The following GTF3C1 variants were observed in gnomAD, a reference collection of about 807,000 sequenced individuals.
GTF3C1 encodes general transcription factor IIIC subunit 1, also known as general transcription factor 3C polypeptide 1.
Under a neutral mutation model 226.7 loss-of-function variants are expected in GTF3C1, and 57 were observed. That is an observed-to-expected ratio of 0.25 (90% confidence interval 0.20 to 0.31). The LOEUF is 0.31. GTF3C1 is among the 10% of genes least tolerant of loss of function. The pLI is 1.00. For missense variants in GTF3C1, 2,217 were observed against 2,776.1 expected, an observed-to-expected ratio of 0.80 and a Z score of 4.53; for synonymous variants, 1,090 against 1,084.8, an observed-to-expected ratio of 1.00 and a Z score of -0.09.
intron 25 of GTF3C1, among the ~76,000 whole-genome samples, chr16:27,483,705 C>T (rs1436890567): frequency 1.3e-5 from 2 of 152,226 alleles, no homozygotes; most frequent in Non-Finnish European, 2.9e-5. Flanking sequence ...CAAGGGGACT[C>T]CCTGAGGTCA....
chr16:27,544,851 G>A (rs552038981), intron 2 of GTF3C1, among the ~76,000 whole-genome samples: 7 of 152,310 alleles, frequency 4.6e-5, no homozygotes, highest in Admixed American at 1.3e-4. Context: ...GAAGGCGAAT[G>A]AAGGCCAAGA....
intron 6 of GTF3C1, among the ~76,000 whole-genome samples, chr16:27,527,224 G>A (rs1448785372): frequency 3.9e-5 from 6 of 152,166 alleles, no homozygotes; most frequent in African/African-American, 1.4e-4. Flanking sequence ...AAATATAACA[G>A]AGGCTGGAAT....
At chr16:27,513,299 T>C (rs1163688540) in intron 6 of GTF3C1, among the ~76,000 whole-genome samples, 1 of 152,002 alleles carries the variant, frequency 6.6e-6, no homozygotes, top group Non-Finnish European at 1.5e-5. Flanking sequence ...CAAAAAATGT[T>C]TAAAATCGGC....
chr16:27,540,376 T>C (rs2089064246), intron 2 of GTF3C1, among the ~76,000 whole-genome samples: 1 of 152,340 alleles, frequency 6.6e-6, no homozygotes, highest in Non-Finnish European at 1.5e-5. Flanking sequence ...ACAGGCTCAT[T>C]AAGTTAAATT....
rs372465695 is a variant in GTF3C1, at chr16:27,517,377, C to A, written c.974-5476G>T. On this transcript the variant is annotated intron_variant, in intron 6 of 36. Transcript: ENST00000356183. ...CAAAAGCCACAGGGGCAGAGCAAGA[C>A]CCGAATAAGCGCACGTCATCCAGGG... Among the ~76,000 whole-genome samples, 108 of 152,304 alleles carry A rather than the reference C, an allele frequency of 7.1e-4. 3 individuals carry two copies. The South Asian group carries it at 0.022, about 31-fold the overall frequency.
At chr16:27,520,121 G>T (rs1030671648) in intron 6 of GTF3C1, among the ~76,000 whole-genome samples, 11 of 152,010 alleles carry the variant, frequency 7.2e-5, no homozygotes, top group Admixed American at 2.6e-4. Flanking sequence ...TGTTTGGTTT[G>T]GTTTTGTTTT....
In GTF3C1 at chr16:27,492,486, G is replaced by C. The variant is rs942349846; in HGVS notation, c.3003C>G (p.Val1001=). The change falls in exon 19 of 37, where the codon GTC becomes GTG. Residue 1001 remains valine (V), a synonymous_variant. Coordinates refer to ENST00000356183, the MANE Select transcript of GTF3C1 (RefSeq NM_001520.4). This position sits in a 1 kb window ranked among gnomAD's most constrained non-coding sequence, Gnocchi z 5.0. ...QVFIFLKKNA[V]IVDTTICDPH... is the part of the protein sequence containing the mutation. ...GGTCGCAGATGGTAGTGTCAACAAT[G>C]ACTGCATTCTTCTTCAAGAAGATAA... 2.5e-6 allele frequency: 4 copies of C among 1,613,428 alleles called. No individual in the cohort carries two copies. The highest frequency in any genetic ancestry group is 3.4e-6 in the Non-Finnish European group (4 of 1,179,510).
At chr16:27,521,205 A>G (rs1333604541) in intron 6 of GTF3C1, among the ~76,000 whole-genome samples, 1 of 152,124 alleles carries the variant, frequency 6.6e-6, no homozygotes. Context: ...CCAGGCCCTC[A>G]CCCTGTACGG....
At chr16:27,512,656 C>G (rs989625102) in intron 6 of GTF3C1, among the ~76,000 whole-genome samples, 1 of 152,082 alleles carries the variant, frequency 6.6e-6, no homozygotes, top group Non-Finnish European at 1.5e-5. Context: ...TTGCAACCTA[C>G]AAAAGTAAAA....
At chr16:27,497,167 C>G (rs976130177) in intron 14 of GTF3C1, among the ~76,000 whole-genome samples, 6 of 152,160 alleles carry the variant, frequency 3.9e-5, no homozygotes, top group Admixed American at 1.3e-4. Context: ...AATGCCATGG[C>G]CACCTGCCTT....
Position 27,476,496 on chromosome 16 carries a change from C to A in GTF3C1, c.4308G>T (p.Thr1436=). The A allele has an allele frequency of 6.2e-7, 1 of 1,613,328 alleles. No individual in the cohort carries two copies. The highest frequency in any genetic ancestry group is 1.1e-5 in the South Asian group (1 of 91,040). Residue 1436 remains threonine (T), a synonymous_variant, in exon 29 of 37, where the codon ACG becomes ACT. Coordinates refer to ENST00000356183, the MANE Select transcript of GTF3C1 (RefSeq NM_001520.4). ...TCATCTGACTGTCTGAGAGGGCCAG[C>A]GTGCTCTGGATCAGGTTCTGAAGCA... is the stretch of plus-strand genomic sequence containing the variant. ...FLVLQNLIQS[T]LALSDSQMKS... is the part of the protein sequence containing the mutation.
intron 14 of GTF3C1, among the ~76,000 whole-genome samples, chr16:27,497,289 C>T (rs1567398379): frequency 6.6e-6 from 1 of 152,166 alleles, no homozygotes; most frequent in Admixed American, 6.5e-5. Context: ...GGGGATTTGT[C>T]GAGTTGGGAC....
chr16:27,515,073 G>A (rs1267951494), intron 6 of GTF3C1, among the ~76,000 whole-genome samples: 1 of 152,038 alleles, frequency 6.6e-6, no homozygotes, highest in East Asian at 1.9e-4. Context: ...AAATAAACAC[G>A]GGTGGAAGGC....
At chr16:27,476,577 AC>A in intron 28 of GTF3C1, 33 bp from the exon 29 acceptor site, 1 of 1,189,808 alleles carries the variant, frequency 8.4e-7, no homozygotes, top group Non-Finnish European at 1.3e-6. Context: ...GCACCATGAG[AC>A]CACAGGCACT....
In GTF3C1 at chr16:27,526,287, TA is replaced by T. The variant is rs200075104; in HGVS notation, c.973+2310del. 5.9e-3 allele frequency among the ~76,000 whole-genome samples: 905 copies of T among 152,308 alleles called. 12 individuals are homozygous for T. Among genetic ancestry groups the T allele is most frequent in the African/African-American group, 0.021 (877 of 41,556 alleles). ...GGAGGATGCACATCAAACGACAGAC[TA>T]AAACAAGAGACGGCCAAGCTGGGAG... On this transcript the variant is annotated intron_variant, in intron 6 of 36. Transcript: ENST00000356183.
At chr16:27,548,737 G>A (rs2089208613) in intron 1 of GTF3C1, among the ~76,000 whole-genome samples, 1 of 152,168 alleles carries the variant, frequency 6.6e-6, no homozygotes, top group South Asian at 2.1e-4. Flanking sequence ...TGTAAAATGA[G>A]GACGATAACA....
chr16:27,545,606 A>G, intron 1 of GTF3C1, 83 bp from the exon 2 acceptor site: 1 of 774,630 alleles, frequency 1.3e-6, no homozygotes, highest in Non-Finnish European at 2.3e-6. Context: ...GACAACCTCC[A>G]GCAGAGATCA....
Position 27,461,090 on chromosome 16 carries a change from A to G in GTF3C1, c.*260T>C. ...CTCTGGAGACCCAGAGACAAGAAGC[A>G]CCAACTCCCAGTGTGATGAGGCCAG... On this transcript the variant is annotated 3_prime_UTR_variant, in exon 37 of 37. Coordinates refer to ENST00000356183, the MANE Select transcript of GTF3C1 (RefSeq NM_001520.4). This position sits in a 1 kb window ranked among gnomAD's most constrained non-coding sequence, Gnocchi z 5.3. 2.4e-6 allele frequency: 1 copy of G among 416,184 alleles called. No homozygotes were observed. Among genetic ancestry groups the G allele is most frequent in the Admixed American group, 3.7e-5 (1 of 27,064 alleles). 25.8% of individuals were successfully genotyped at this position (416,184 alleles called of 1,614,324 possible).
Position 27,507,269 on chromosome 16 carries a change from T to C in GTF3C1, c.1243-113A>G. The C allele has an allele frequency of 1.2e-6, 1 of 809,782 alleles. No homozygotes were observed. The highest frequency in any genetic ancestry group is 1.7e-5 in the South Asian group (1 of 57,398). 50.2% of individuals were successfully genotyped at this position (809,782 alleles called of 1,614,324 possible). ...TTGGCTTTCTTCTGTTTCTCCTGTC[T>C]TACTGCCTGGGCCCTGGGTTGGGCA... is the stretch of plus-strand genomic sequence containing the variant. On this transcript the variant is annotated intron_variant, in intron 8 of 36. Coordinates refer to ENST00000356183, the MANE Select transcript of GTF3C1 (RefSeq NM_001520.4). The surrounding 1 kb of genome is among the most constrained non-coding windows in gnomAD (Gnocchi z 4.9).
Sources: allele counts gnomAD v4.1 joint callset (sites outside exome capture counted in the v4.1 genomes callset), GRCh38; gene constraint gnomAD v4.1.1; non-coding constraint Gnocchi (gnomAD v3.1); transcripts MANE v1.5; gene names NCBI Gene and HGNC (gene_info 2026-07-23, HGNC 2026-07-21).